YAP1: variants seen among roughly 807,000 people sequenced by gnomAD.
YAP1 encodes the protein Yes1 associated transcriptional regulator.
Under a neutral mutation model 56.9 loss-of-function variants are expected in YAP1, and 5 were observed. The ratio of observed to expected loss-of-function variants is 0.09; its 90% CI spans 0.05 to 0.18. The LOEUF is 0.18. YAP1 is among the 10% of genes least tolerant of loss of function. The pLI is 1.00. For missense variants in YAP1, 539 were observed against 651.8 expected (o/e 0.83, Z 1.88); for synonymous variants, 265 against 248.1 (o/e 1.07, Z -0.64).
At chr11:102,206,148 T>G in intron 5 of YAP1, 74 bp downstream of exon 5, 1 of 1,522,432 alleles carries the variant, frequency 6.6e-7, no homozygotes, top group Non-Finnish European at 8.9e-7. Flanking sequence ...GATTTCATTT[T>G]AACATTTATT....
intron 3 of YAP1, among the ~76,000 whole-genome samples, chr11:102,185,194 G>C (rs112458847): frequency 6.6e-6 from 1 of 152,122 alleles, no homozygotes; most frequent in Non-Finnish European, 1.5e-5. Flanking sequence ...AATTATGTTT[G>C]AATACTTTAG....
chr11:102,209,294 A>G (rs569904943), intron 5 of YAP1, among the ~76,000 whole-genome samples: 2 of 152,234 alleles, frequency 1.3e-5, no homozygotes, highest in South Asian at 2.1e-4. Context: ...TCTGACTCCT[A>G]AAGTCTTGCT....
Position 102,196,626 on chromosome 11 carries a change from C to CT in YAP1, c.803-9250dup, listed in dbSNP as rs1221884329. Among the ~76,000 whole-genome samples, 1,231 of 126,256 alleles carry CT rather than the reference C, an allele frequency of 9.8e-3. 10 individuals are homozygous for CT. Among genetic ancestry groups the CT allele is most frequent in the Middle Eastern group, 0.018 (4 of 228 alleles). The allele number at this position is 126,256 out of a possible 152,430, so 82.8% of individuals were successfully genotyped here. On this transcript the variant is annotated intron_variant, in intron 4 of 8. Transcript: ENST00000282441. ...TTTTTGTTTGTTTTTGTTTTTGTGA[C>CT]TTTTTTTTTTTTTTTTTGAAGTGAT...
chr11:102,150,944 G>T (rs1164778035), intron 2 of YAP1, among the ~76,000 whole-genome samples: 1 of 151,748 alleles, frequency 6.6e-6, no homozygotes, highest in African/African-American at 2.4e-5. Context: ...AGGATTACAG[G>T]TGTGCACCAC....
At chr11:102,138,797 G>A (rs1199397524) in intron 2 of YAP1, among the ~76,000 whole-genome samples, 1 of 152,204 alleles carries the variant, frequency 6.6e-6, no homozygotes, top group East Asian at 1.9e-4. Context: ...GTACGTGTAT[G>A]TGGGTATCTA....
intron 3 of YAP1, among the ~76,000 whole-genome samples, chr11:102,166,124 A>G (rs1946591860): frequency 6.6e-6 from 1 of 152,224 alleles, no homozygotes; most frequent in South Asian, 2.1e-4. Flanking sequence ...TCTAGGAGTC[A>G]GTCAAAACTT....
At chr11:102,182,407 C>T (rs1470799558) in intron 3 of YAP1, among the ~76,000 whole-genome samples, 1 of 152,196 alleles carries the variant, frequency 6.6e-6, no homozygotes, top group Non-Finnish European at 1.5e-5. Context: ...TGCATCCTAA[C>T]CCTAGCCCAA....
At position 102,160,018 on chromosome 11, in the gene YAP1, A is replaced by ATTTT. The variant is rs34332940; in HGVS notation, c.573-2419_573-2416dup. Among the ~76,000 whole-genome samples, 667 of 108,940 alleles carry ATTTT rather than the reference A, an allele frequency of 6.1e-3. 11 individuals carry two copies. The highest frequency in any genetic ancestry group is 0.033 in the East Asian group (122 of 3,694). 71.5% of individuals were successfully genotyped at this position (108,940 alleles called of 152,430 possible). ...TGACAAAACCTGATTTACATAAAGG[A>ATTTT]TTTTTTTTTTTTTTTTTTTTTTGAG... On this transcript the variant is annotated intron_variant, in intron 2 of 8. Coordinates refer to ENST00000282441, the MANE Select transcript of YAP1 (RefSeq NM_001130145.3).
At chr11:102,209,422 A>G in intron 5 of YAP1, 95 bp from the exon 6 acceptor site, 1 of 1,118,668 alleles carries the variant, frequency 8.9e-7, no homozygotes, top group Non-Finnish European at 1.3e-6. Flanking sequence ...ATTCTGTGCT[A>G]TGGTGATATG....
In YAP1 at chr11:102,122,747, T is replaced by A. The variant is rs2135171582; in HGVS notation, c.572+8353T>A. ...CATCTCTACTAAAAAATAGAAAAAT[T>A]AGGCAGGCGTGGTGGCAGGCGCCTT... is the stretch of plus-strand genomic sequence containing the variant. On this transcript the variant is annotated intron_variant, in intron 2 of 8. Coordinates refer to ENST00000282441, the MANE Select transcript of YAP1 (RefSeq NM_001130145.3). Among the ~76,000 whole-genome samples the A allele has an allele frequency of 2.0e-5, 3 of 151,622 alleles. No individual in the cohort carries two copies. In the South Asian group the frequency reaches 6.3e-4, roughly 32 times the overall value.
chr11:102,200,891 A>G (rs935677272), intron 4 of YAP1, among the ~76,000 whole-genome samples: 4 of 152,156 alleles, frequency 2.6e-5, no homozygotes, highest in Non-Finnish European at 4.4e-5. Context: ...CTGAGATACT[A>G]CTCATCTTTC....
intron 4 of YAP1, among the ~76,000 whole-genome samples, chr11:102,201,018 G>A (rs1433557855): frequency 6.6e-6 from 1 of 152,064 alleles, no homozygotes; most frequent in Non-Finnish European, 1.5e-5. Flanking sequence ...TAAATTTGGC[G>A]ATATCTAGCA....
rs1241515329 is a variant in YAP1 at position 102,189,544 on chromosome 11, T to A, written c.802+3413T>A. Among the ~76,000 whole-genome samples the A allele has an allele frequency of 2.0e-5, 3 of 152,260 alleles. No homozygotes were observed. The East Asian group carries it at 5.8e-4, about 29-fold the overall frequency. The stretch of plus-strand genomic sequence containing the variant: ...AGAGATTTGGGGAAAAAATTATACT[T>A]CTGAATTTTAAAGCAAGTAATGAAC... On this transcript the variant is annotated intron_variant, in intron 4 of 8. Transcript: ENST00000282441.
intron 1 of YAP1, among the ~76,000 whole-genome samples, chr11:102,111,424 G>C (rs928520872): frequency 6.6e-6 from 1 of 152,098 alleles, no homozygotes; most frequent in Non-Finnish European, 1.5e-5. Context: ...AGCCCCGGGG[G>C]GCGTGCTTTC....
Position 102,231,731 on chromosome 11 carries a change from G to A in YAP1, c.*1791G>A, listed in dbSNP as rs1950440156. 1 of 152,600 alleles carries A rather than the reference G, an allele frequency of 6.6e-6. No individual in the cohort carries two copies. The highest frequency in any genetic ancestry group is 2.1e-4 in the South Asian group (1 of 4,828). 9.5% of individuals were successfully genotyped at this position (152,600 alleles called of 1,614,324 possible). On this transcript the variant is annotated 3_prime_UTR_variant, in exon 9 of 9. Coordinates refer to ENST00000282441, the MANE Select transcript of YAP1 (RefSeq NM_001130145.3). Reference sequence around the variant, plus strand: ...CTCTGTGTTTTAAGGGTCTTTCAATGTTTCTAGAATAAGCCCTTATTTTCA... The same window carrying A: ...CTCTGTGTTTTAAGGGTCTTTCAATATTTCTAGAATAAGCCCTTATTTTCA...
chr11:102,216,206 G>A (rs1035188457), intron 6 of YAP1, among the ~76,000 whole-genome samples: 2 of 152,162 alleles, frequency 1.3e-5, no homozygotes, highest in African/African-American at 4.8e-5. Context: ...TTTCCATCGT[G>A]AGTAAGTTTT....
chr11:102,131,174 T>C (rs1202506733), intron 2 of YAP1, among the ~76,000 whole-genome samples: 1 of 152,242 alleles, frequency 6.6e-6, no homozygotes, highest in Non-Finnish European at 1.5e-5. Flanking sequence ...CTTGCTTTGA[T>C]GTAGTTATAG....
intron 3 of YAP1, among the ~76,000 whole-genome samples, chr11:102,176,767 AAAAAAAAAAG>A (rs1565232443): frequency 6.8e-6 from 1 of 147,156 alleles, no homozygotes; most frequent in Non-Finnish European, 1.5e-5. Flanking sequence ...AAAAAAAAAA[AAAAAAAAAAG>A]AGTAGAATTT....
intron 6 of YAP1, among the ~76,000 whole-genome samples, chr11:102,221,466 G>A (rs1408687642): frequency 1.3e-5 from 2 of 152,296 alleles, no homozygotes; most frequent in East Asian, 3.9e-4. Flanking sequence ...GCCTATGCTT[G>A]TAATGCCAGC....
Sources: allele counts gnomAD v4.1 joint callset (sites outside exome capture counted in the v4.1 genomes callset), GRCh38; gene constraint gnomAD v4.1.1; transcripts MANE v1.5; gene names NCBI Gene and HGNC (gene_info 2026-07-23, HGNC 2026-07-21).